PCDHA12: variants seen among roughly 807,000 people sequenced by gnomAD.
PCDHA12 encodes the protein protocadherin alpha 12, also known as protocadherin alpha-12.
PCDHA12 carries 44 observed loss-of-function variants against 60.0 expected under a neutral mutation model. That is an observed-to-expected ratio of 0.73 (90% CI 0.58 to 0.94). The LOEUF is 0.94. PCDHA12 is among the 40% of genes least tolerant of loss of function. The pLI, the probability that PCDHA12 is intolerant of heterozygous loss-of-function variation, is 0.00. For missense variants in PCDHA12, 1,276 were observed against 1,239.7 expected, an observed-to-expected ratio of 1.03 and a Z score of -0.44; for synonymous variants, 569 against 553.0, an observed-to-expected ratio of 1.03 and a Z score of -0.40.
At chr5:140,959,317 A>G (rs1424960169) in intron 1 of PCDHA12, among the ~76,000 whole-genome samples, 3 of 152,078 alleles carry the variant, frequency 2.0e-5, no homozygotes, top group Non-Finnish European at 4.4e-5. Flanking sequence ...TGAAGCTGCA[A>G]TAAGTTTTGA....
chr5:140,985,643 A>G (rs564908892), intron 3 of PCDHA12, among the ~76,000 whole-genome samples: 1 of 151,200 alleles, frequency 6.6e-6, no homozygotes, highest in Non-Finnish European at 1.5e-5. Context: ...TCATCCCAAC[A>G]CTTGCAATGG....
In PCDHA12 at chr5:140,937,639, A is replaced by G. The variant is rs140444916; in HGVS notation, c.2368-41310A>G. On this transcript the variant is annotated intron_variant, in intron 1 of 3. Transcript: ENST00000398631. ...CTAAAAAGAAAAAGAAAGGCAGGGC[A>G]TGGTGGCTCACGCCTGTAATCCCAG... is the stretch of plus-strand genomic sequence containing the variant. 9.3e-5 allele frequency among the ~76,000 whole-genome samples: 14 copies of G among 151,094 alleles called. No individual in the cohort carries two copies. In the East Asian group the frequency reaches 1.8e-3, roughly 20 times the overall value.
At chr5:140,911,283 A>G (rs906069835) in intron 1 of PCDHA12, among the ~76,000 whole-genome samples, 1 of 152,278 alleles carries the variant, frequency 6.6e-6, no homozygotes, top group Non-Finnish European at 1.5e-5. Context: ...CAGCTTCATC[A>G]GGGTCCTTTT....
rs1554174531 is a variant in PCDHA12 at position 140,882,554 on chromosome 5, T to G, written c.2367+4715T>G. On this transcript the variant is annotated intron_variant, in intron 1 of 3. Transcript: ENST00000398631. ...TTCTCGGATCGACCGCGAGGAGCTG[T>G]GTGGGCGGAGCGCGGAGTGCAGCAT... is the stretch of plus-strand genomic sequence containing the variant. 1.9e-6 allele frequency: 3 copies of G among 1,614,174 alleles called. No homozygotes were observed. The South Asian group carries it at 3.3e-5, about 18-fold the overall frequency.
intron 3 of PCDHA12, among the ~76,000 whole-genome samples, chr5:141,005,544 A>G (rs1197838847): frequency 6.6e-6 from 1 of 151,492 alleles, no homozygotes; most frequent in Non-Finnish European, 1.5e-5. Flanking sequence ...TCTACTAAAA[A>G]TACAAAAATT....
At chr5:140,986,393 C>T (rs1554248003) in intron 3 of PCDHA12, among the ~76,000 whole-genome samples, 1 of 152,148 alleles carries the variant, frequency 6.6e-6, no homozygotes, top group Non-Finnish European at 1.5e-5. Context: ...ATTAAAGGGC[C>T]AGTCGCTCAT....
At chr5:140,928,292 T>G in intron 1 of PCDHA12, 1 of 1,614,086 alleles carries the variant, frequency 6.2e-7, no homozygotes, top group Middle Eastern at 1.6e-4. Flanking sequence ...CTAGGCCGAG[T>G]GTTTGCCCAG....
intron 3 of PCDHA12, among the ~76,000 whole-genome samples, chr5:140,990,438 T>C (rs2097393735): frequency 2.0e-5 from 3 of 152,222 alleles, no homozygotes; most frequent in Admixed American, 2.0e-4. Context: ...CCCAATCTTG[T>C]GTCCAGAGCT....
intron 1 of PCDHA12, among the ~76,000 whole-genome samples, chr5:140,956,166 C>T (rs180917985): frequency 7.2e-5 from 11 of 152,232 alleles, no homozygotes; most frequent in Non-Finnish European, 1.5e-4. Flanking sequence ...TTGCCATAGC[C>T]AGAACTTCCA....
chr5:140,929,522 T>G, intron 1 of PCDHA12: 1 of 727,900 alleles, frequency 1.4e-6, no homozygotes. Context: ...GACTTATAGT[T>G]TATTTTTGAG....
intron 1 of PCDHA12, among the ~76,000 whole-genome samples, chr5:140,915,139 G>C (rs2153533338): frequency 6.6e-6 from 1 of 151,944 alleles, no homozygotes; most frequent in Non-Finnish European, 1.5e-5. Flanking sequence ...AGTAGAGACG[G>C]GGTTTCACCA....
chr5:140,881,595 TTAATA>T (rs2058765091), intron 1 of PCDHA12, among the ~76,000 whole-genome samples: 1 of 152,250 alleles, frequency 6.6e-6, no homozygotes, highest in Non-Finnish European at 1.5e-5. Flanking sequence ...GGGAAATTTA[TTAATA>T]TGATGTGCTT....
Position 140,875,641 on chromosome 5 carries a change from G to A in PCDHA12, c.169G>A (p.Ala57Thr), listed in dbSNP as rs782380583. 1 of 1,613,690 alleles carries A rather than the reference G, an allele frequency of 6.2e-7. No homozygotes were observed. Among genetic ancestry groups the A allele is most frequent in the South Asian group, 1.1e-5 (1 of 91,066 alleles). ...CGCTCAGGACCTGGGGCTGGAGCTGGCGGAGCTGGTGCCGCGCCTGTTCCG... is the reference window on the plus strand; with the variant it reads ...CGCTCAGGACCTGGGGCTGGAGCTGACGGAGCTGGTGCCGCGCCTGTTCCG... ...RIAQDLGLEL[A>T]ELVPRLFRVA... The change falls in exon 1 of 4, where the codon GCG (alanine) becomes ACG (threonine). Residue 57 changes from alanine (A) to threonine (T), a missense_variant. Coordinates refer to ENST00000398631, the MANE Select transcript of PCDHA12 (RefSeq NM_018903.4).
At chr5:140,941,563 C>T (rs2093116700) in intron 1 of PCDHA12, among the ~76,000 whole-genome samples, 1 of 151,946 alleles carries the variant, frequency 6.6e-6, no homozygotes, top group Admixed American at 6.6e-5. Context: ...GATCCATTCG[C>T]CTCAGCCTCC....
At chr5:140,953,996 T>C (rs989520486) in intron 1 of PCDHA12, among the ~76,000 whole-genome samples, 1 of 152,158 alleles carries the variant, frequency 6.6e-6, no homozygotes, top group African/African-American at 2.4e-5. Context: ...TCATGTGTAC[T>C]CATCATTCAG....
intron 1 of PCDHA12, chr5:140,928,384 C>G (rs246074): frequency 0.52 from 841,304 of 1,613,674 alleles, 221,696 homozygotes; most frequent in African/African-American, 0.71. Flanking sequence ...CTCTAGCTTG[C>G]TGGCAGTGGA....
chr5:140,979,414 T>C (rs1410205907), intron 2 of PCDHA12, among the ~76,000 whole-genome samples: 1 of 152,242 alleles, frequency 6.6e-6, no homozygotes, highest in African/African-American at 2.4e-5. Flanking sequence ...CCTTGTTTTT[T>C]TTTTAATCTC....
chr5:140,915,463 T>C (rs2077131577), intron 1 of PCDHA12, among the ~76,000 whole-genome samples: 1 of 152,184 alleles, frequency 6.6e-6, no homozygotes, highest in East Asian at 1.9e-4. Flanking sequence ...AGAAGGTTTT[T>C]ATTTGAAGGA....
chr5:140,926,958 C>G (rs782614627), intron 1 of PCDHA12: 3 of 1,603,116 alleles, frequency 1.9e-6, no homozygotes, highest in Admixed American at 1.7e-5. Context: ...CGGGACAGCT[C>G]GAGTACTCAG....
Sources: gnomAD v4.1 joint callset for allele counts (sites outside exome capture counted in the v4.1 genomes callset) on GRCh38, gnomAD v4.1.1 for gene constraint, MANE v1.5 for transcripts, NCBI Gene and HGNC (gene_info 2026-07-23, HGNC 2026-07-21) for gene names.